Variants in AGBL4 observed in about 807,000 individuals in gnomAD.
AGBL4 encodes cytosolic carboxypeptidase 6.
AGBL4 carries 58 observed loss-of-function variants against 66.4 expected under a neutral mutation model. That is an observed-to-expected ratio of 0.87 (90% CI 0.71 to 1.09). AGBL4 has a LOEUF of 1.09. Ranked by LOEUF, AGBL4 falls within the 50% of genes least tolerant of loss-of-function variation. The pLI is 0.00. For synonymous variants in AGBL4, 234 were observed against 222.9 expected (o/e 1.05, Z -0.44); for missense variants, 579 against 631.0 (o/e 0.92, Z 0.88).
At chr1:48,901,404 A>G (rs559803136) in intron 5 of AGBL4, among the ~76,000 whole-genome samples, 3 of 152,314 alleles carry the variant, frequency 2.0e-5, no homozygotes, top group East Asian at 3.9e-4. Context: ...GTCCTTGCAA[A>G]AAGTTGTATA....
intron 2 of AGBL4, among the ~76,000 whole-genome samples, chr1:49,808,166 G>A (rs1571611738): frequency 6.6e-6 from 1 of 152,132 alleles, no homozygotes; most frequent in Non-Finnish European, 1.5e-5. Flanking sequence ...AACAGTAAAG[G>A]GCACAGATGC....
intron 6 of AGBL4, among the ~76,000 whole-genome samples, chr1:48,734,342 C>A (rs1648667508): frequency 6.6e-6 from 1 of 152,140 alleles, no homozygotes; most frequent in African/African-American, 2.4e-5. Context: ...CCTTGAACTC[C>A]AAAATACACC....
chr1:49,013,926 T>G (rs1270582735), intron 5 of AGBL4, among the ~76,000 whole-genome samples: 1 of 152,186 alleles, frequency 6.6e-6, no homozygotes, highest in African/African-American at 2.4e-5. Context: ...CCATTTCTAT[T>G]TGTCCACCCC....
intron 3 of AGBL4, among the ~76,000 whole-genome samples, chr1:49,252,510 T>G (rs900722352): frequency 1.3e-5 from 2 of 152,158 alleles, no homozygotes; most frequent in African/African-American, 4.8e-5. Context: ...AATTAGAACT[T>G]CCACAACTTA....
intron 4 of AGBL4, among the ~76,000 whole-genome samples, chr1:49,135,179 T>A (rs947778572): frequency 6.6e-6 from 1 of 152,118 alleles, no homozygotes; most frequent in African/African-American, 2.4e-5. Context: ...AGGTATACAA[T>A]ATATGTATAT....
At chr1:49,554,095 T>C (rs918298067) in intron 3 of AGBL4, among the ~76,000 whole-genome samples, 8 of 152,174 alleles carry the variant, frequency 5.3e-5, no homozygotes, top group Non-Finnish European at 1.2e-4. Context: ...ATTACACCAC[T>C]GCACTTGAGT....
intron 9 of AGBL4, among the ~76,000 whole-genome samples, chr1:48,605,449 G>T (rs1645140564): frequency 6.6e-6 from 1 of 152,118 alleles, no homozygotes; most frequent in Non-Finnish European, 1.5e-5. Context: ...ACCTTGCCCT[G>T]CCCAGCCTTC....
chr1:48,961,221 C>T (rs1200113536), intron 5 of AGBL4, among the ~76,000 whole-genome samples: 2 of 152,096 alleles, frequency 1.3e-5, no homozygotes, highest in African/African-American at 4.8e-5. Flanking sequence ...AAATGACAGC[C>T]CCAAGACACC....
At chr1:48,770,992 C>T (rs1313644726) in intron 6 of AGBL4, among the ~76,000 whole-genome samples, 4 of 152,208 alleles carry the variant, frequency 2.6e-5, no homozygotes, top group African/African-American at 4.8e-5. Flanking sequence ...TTGAATGGCT[C>T]TCTTTTCTTG....
intron 6 of AGBL4, among the ~76,000 whole-genome samples, chr1:48,713,026 G>A (rs1570325628): frequency 6.6e-6 from 1 of 152,210 alleles, no homozygotes; most frequent in Admixed American, 6.5e-5. Flanking sequence ...CAGCAGCTGA[G>A]CATCCACTAG....
At chr1:49,942,319 C>G (rs1044579652) in intron 1 of AGBL4, among the ~76,000 whole-genome samples, 14 of 151,920 alleles carry the variant, frequency 9.2e-5, no homozygotes, top group African/African-American at 3.4e-4. Context: ...ACATTTTTCA[C>G]AAGAATAGAA....
At chr1:49,052,247 T>G (rs1247747296) in intron 4 of AGBL4, among the ~76,000 whole-genome samples, 1 of 152,128 alleles carries the variant, frequency 6.6e-6, no homozygotes, top group Admixed American at 6.6e-5. Context: ...CCCCTGGTCA[T>G]GGACAGCAAC....
At chr1:48,599,090 A>G (rs1282984881) in intron 9 of AGBL4, among the ~76,000 whole-genome samples, 1 of 152,104 alleles carries the variant, frequency 6.6e-6, no homozygotes, top group Non-Finnish European at 1.5e-5. Context: ...GCTGTCTTCC[A>G]CCTCCACATC....
Position 48,649,059 on chromosome 1 carries a change from T to C in AGBL4, c.839+4278A>G, listed in dbSNP as rs543267295. Among the ~76,000 whole-genome samples the C allele has an allele frequency of 1.4e-4, 22 of 152,304 alleles. 1 individual carries two copies. The South Asian group carries it at 4.6e-3, about 32-fold the overall frequency. The stretch of plus-strand genomic sequence containing the variant: ...AACTTCAGGTCAGTGACTAGAAAGA[T>C]AAAATATATATCAAGAGCCCATTTG... On this transcript the variant is annotated intron_variant, in intron 8 of 13. Transcript: ENST00000371839.
At chr1:48,855,808 G>GTCTCT (rs1647136161) in intron 6 of AGBL4, among the ~76,000 whole-genome samples, 2 of 151,860 alleles carry the variant, frequency 1.3e-5, no homozygotes, top group East Asian at 3.9e-4. Context: ...GAGACTTTAA[G>GTCTCT]AATAAATATA....
At chr1:48,737,706 C>T (rs1384262019) in intron 6 of AGBL4, among the ~76,000 whole-genome samples, 1 of 152,088 alleles carries the variant, frequency 6.6e-6, no homozygotes, top group African/African-American at 2.4e-5. Flanking sequence ...AATTTGTTCT[C>T]CTTTCTGCAT....
At chr1:49,644,342 A>G (rs1645842559) in intron 3 of AGBL4, among the ~76,000 whole-genome samples, 1 of 151,606 alleles carries the variant, frequency 6.6e-6, no homozygotes, top group Admixed American at 6.6e-5. Flanking sequence ...CAAACACTCT[A>G]ACTAAAAGGA....
intron 1 of AGBL4, among the ~76,000 whole-genome samples, chr1:49,855,173 G>T (rs1008390481): frequency 2.6e-5 from 4 of 151,966 alleles, no homozygotes; most frequent in African/African-American, 9.7e-5. Flanking sequence ...AAACAAAAAG[G>T]TTATTATGTA....
In AGBL4 at chr1:49,197,914, C is replaced by T. The variant is rs144249434; in HGVS notation, c.377+47856G>A. On this transcript the variant is annotated intron_variant, in intron 4 of 13. Transcript: ENST00000371839. Reference sequence around the variant, plus strand: ...CAATATTCCAATCCCTGGCCTGAGGCTTCCTAATGCCAGTGGATGCTGCTG... The same window carrying T: ...CAATATTCCAATCCCTGGCCTGAGGTTTCCTAATGCCAGTGGATGCTGCTG... 1.2e-4 allele frequency among the ~76,000 whole-genome samples: 18 copies of T among 152,318 alleles called. No individual in the cohort carries two copies. The East Asian group carries it at 3.3e-3, about 28-fold the overall frequency.
Sources: gnomAD v4.1 joint callset for allele counts (sites outside exome capture counted in the v4.1 genomes callset) on GRCh38, gnomAD v4.1.1 for gene constraint, MANE v1.5 for transcripts, NCBI Gene and HGNC (gene_info 2026-07-23, HGNC 2026-07-21) for gene names.